Variants in NLN observed in about 807,000 individuals in gnomAD.
NLN encodes the protein neurolysin, mitochondrial.
NLN carries 64 observed loss-of-function variants against 79.9 expected under a neutral mutation model. The ratio of observed to expected loss-of-function variants is 0.80; its 90% CI spans 0.65 to 0.99. The LOEUF is 0.99. NLN is among the 50% of genes least tolerant of loss of function. The pLI is 0.00. For missense variants in NLN, 835 were observed against 858.7 expected, an observed-to-expected ratio of 0.97 and a Z score of 0.34; for synonymous variants, 267 against 296.6, an observed-to-expected ratio of 0.90 and a Z score of 1.02.
At chr5:65,819,384 G>A (rs1037198867) in intron 12 of NLN, among the ~76,000 whole-genome samples, 2 of 152,186 alleles carry the variant, frequency 1.3e-5, no homozygotes, top group Non-Finnish European at 2.9e-5. Context: ...GAGTGAGGTA[G>A]GCATATTCCC....
chr5:65,782,126 T>C (rs539676260), intron 6 of NLN, among the ~76,000 whole-genome samples: 1 of 152,238 alleles, frequency 6.6e-6, no homozygotes, highest in Non-Finnish European at 1.5e-5. Flanking sequence ...TTCTGTACTA[T>C]GGTGACGTTT....
At chr5:65,750,320 T>C (rs1759077230) in intron 1 of NLN, among the ~76,000 whole-genome samples, 1 of 152,220 alleles carries the variant, frequency 6.6e-6, no homozygotes, top group South Asian at 2.1e-4. Flanking sequence ...TCATAATTCA[T>C]TTAAATAACC....
Position 65,738,967 on chromosome 5 carries a change from A to T in NLN, c.41+16553A>T, listed in dbSNP as rs1758801624. 6.5e-3 allele frequency among the ~76,000 whole-genome samples: 398 copies of T among 61,610 alleles called. 6 individuals are homozygous for T. Among genetic ancestry groups the T allele is most frequent in the African/African-American group, 0.029 (382 of 13,220 alleles). The allele number at this position is 61,610 out of a possible 152,430, so 40.4% of individuals were successfully genotyped here. On this transcript the variant is annotated intron_variant, in intron 1 of 12. Coordinates refer to ENST00000380985, the MANE Select transcript of NLN (RefSeq NM_020726.5). ...TATATATGTTTATATATATGTATATATAAATATATATATTATATATTTATA... is the reference window on the plus strand; with the variant it reads ...TATATATGTTTATATATATGTATATTTAAATATATATATTATATATTTATA...
chr5:65,758,622 C>T lies in NLN; in HGVS notation c.97C>T (p.Pro33Ser), dbSNP rs139140754. ...GACGTTAGGAAGAGAAGTGATGTCT[C>T]CTCTTCAGGCAATGTCTTCCTATAC... ...RMTLGREVMSPLQAMSSYTVA... is the reference protein window; with the variant it reads ...RMTLGREVMSSLQAMSSYTVA... Residue 33 changes from proline to serine, a missense_variant, in exon 2 of 13, where the codon CCT becomes TCT. Pro to Ser is a moderately conservative substitution (Grantham distance 74). Coordinates refer to ENST00000380985, the MANE Select transcript of NLN (RefSeq NM_020726.5). 7.5e-6 allele frequency: 12 copies of T among 1,602,550 alleles called. No homozygotes were observed. The African/African-American group carries it at 8.0e-5, about 11-fold the overall frequency.
At chr5:65,822,643 G>A (rs1760827231) in intron 12 of NLN, 138 bp from the exon 13 acceptor site, 1 of 664,286 alleles carries the variant, frequency 1.5e-6, no homozygotes, top group Non-Finnish European at 2.7e-6. Flanking sequence ...AGAGCTGTTT[G>A]TGAGCAAGAG....
At chr5:65,726,787 T>C (rs1053694021) in intron 1 of NLN, among the ~76,000 whole-genome samples, 14 of 152,246 alleles carry the variant, frequency 9.2e-5, no homozygotes, top group Admixed American at 5.2e-4. Context: ...AGGGCTTCCT[T>C]GACTTAATCA....
intron 8 of NLN, among the ~76,000 whole-genome samples, chr5:65,791,602 A>G (rs113410903): frequency 0.011 from 1,668 of 152,188 alleles, 22 homozygotes; most frequent in Middle Eastern, 0.048. Flanking sequence ...GTATATATGT[A>G]ATACCAGCTA....
Position 65,803,673 on chromosome 5 carries a change from C to G in NLN, c.1528-5842C>G, listed in dbSNP as rs188596885. Among the ~76,000 whole-genome samples the G allele has an allele frequency of 6.2e-3, 946 of 152,188 alleles. 11 individuals are homozygous for G. Among genetic ancestry groups the G allele is most frequent in the Non-Finnish European group, 6.7e-3 (455 of 67,996 alleles). On this transcript the variant is annotated intron_variant, in intron 9 of 12. Transcript: ENST00000380985. ...GCATCTATGGCTTAGGAAACCGCAG[C>G]TGTGCCCAGGAGGGTAGGGCTCCTG...
intron 1 of NLN, among the ~76,000 whole-genome samples, chr5:65,728,634 ATC>A (rs570979424): frequency 1.7e-4 from 26 of 152,128 alleles, no homozygotes; most frequent in Non-Finnish European, 3.5e-4. Flanking sequence ...AATTTTTTTT[ATC>A]CTTACCAGTT....
At chr5:65,786,945 A>G (rs1759936971) in intron 7 of NLN, among the ~76,000 whole-genome samples, 1 of 152,216 alleles carries the variant, frequency 6.6e-6, no homozygotes, top group South Asian at 2.1e-4. Flanking sequence ...AGAAGTGTGA[A>G]CAGGTAATTA....
chr5:65,751,019 A>G (rs973776695), intron 1 of NLN, among the ~76,000 whole-genome samples: 1 of 152,218 alleles, frequency 6.6e-6, no homozygotes, highest in Non-Finnish European at 1.5e-5. Context: ...TTCTGATGTA[A>G]TAGCCACACA....
intron 9 of NLN, among the ~76,000 whole-genome samples, chr5:65,808,505 C>T (rs369989895): frequency 5.9e-5 from 9 of 152,170 alleles, no homozygotes; most frequent in African/African-American, 2.2e-4. Flanking sequence ...TAAATGCTGT[C>T]TTCTCTGCCA....
At chr5:65,749,258 G>A (rs1048337766) in intron 1 of NLN, among the ~76,000 whole-genome samples, 2 of 152,200 alleles carry the variant, frequency 1.3e-5, no homozygotes, top group African/African-American at 2.4e-5. Context: ...ATGAGAAAAT[G>A]GCAAAGAGTT....
At chr5:65,784,845 A>G (rs1312777830) in intron 6 of NLN, among the ~76,000 whole-genome samples, 1 of 152,092 alleles carries the variant, frequency 6.6e-6, no homozygotes, top group East Asian at 1.9e-4. Context: ...CCCTATCCCC[A>G]GGCCCTGGCA....
At chr5:65,731,742 CTTT>C (rs761722243) in intron 1 of NLN, among the ~76,000 whole-genome samples, 2 of 62,012 alleles carry the variant, frequency 3.2e-5, no homozygotes, top group East Asian at 4.4e-4. Context: ...CCTACATTTT[CTTT>C]TTTTTTTTTT....
intron 8 of NLN, among the ~76,000 whole-genome samples, chr5:65,791,836 A>ATAAT (rs2150763905): frequency 6.6e-6 from 1 of 152,350 alleles, no homozygotes; most frequent in African/African-American, 2.4e-5. Flanking sequence ...ATGAAGTCTA[A>ATAAT]TAGCTTTTGG....
chr5:65,764,343 A>T (rs770807375), intron 3 of NLN, among the ~76,000 whole-genome samples: 3 of 152,216 alleles, frequency 2.0e-5, no homozygotes, highest in Non-Finnish European at 4.4e-5. Context: ...CCTGGCCAAC[A>T]TGGTGAAACT....
At chr5:65,763,400 C>T (rs937815574) in intron 3 of NLN, among the ~76,000 whole-genome samples, 1 of 151,994 alleles carries the variant, frequency 6.6e-6, no homozygotes, top group East Asian at 1.9e-4. Context: ...TTATCTTAGA[C>T]CAAATCAATT....
intron 1 of NLN, among the ~76,000 whole-genome samples, chr5:65,723,327 C>G (rs1347886604): frequency 2.0e-5 from 3 of 152,060 alleles, no homozygotes; most frequent in Non-Finnish European, 4.4e-5. Flanking sequence ...TTGCTCAGTC[C>G]GTAGAGTTAG....
Sources: gnomAD v4.1 joint callset for allele counts (sites outside exome capture counted in the v4.1 genomes callset) on GRCh38, gnomAD v4.1.1 for gene constraint, MANE v1.5 for transcripts, NCBI Gene and HGNC (gene_info 2026-07-23, HGNC 2026-07-21) for gene names.